The following HPSE2 variants were observed in gnomAD, a reference collection of about 807,000 sequenced individuals.
HPSE2 encodes heparanase 2 (inactive).
A neutral mutation model predicts 60.5 loss-of-function variants in HPSE2; 38 were observed. The observed-to-expected ratio is 0.63, with a 90% CI of 0.48 to 0.82. HPSE2 has a LOEUF of 0.82. Among genes scored for constraint, HPSE2 ranks in the 40% least tolerant of loss-of-function variants. The pLI is 0.00. For synonymous variants in HPSE2, 295 were observed against 293.2 expected, an observed-to-expected ratio of 1.01 and a Z score of -0.06; for missense variants, 713 against 740.4, an observed-to-expected ratio of 0.96 and a Z score of 0.43.
intron 9 of HPSE2, among the ~76,000 whole-genome samples, chr10:98,542,026 TCCCTG>T (rs1943485314): frequency 8.1e-6 from 1 of 122,788 alleles, no homozygotes; most frequent in Non-Finnish European, 1.9e-5. Context: ...CTCAAGTGGG[TCCCTG>T]ACCCCTGACC....
At chr10:98,757,988 T>C (rs1417992360) in intron 3 of HPSE2, among the ~76,000 whole-genome samples, 2 of 151,850 alleles carry the variant, frequency 1.3e-5, no homozygotes, top group Non-Finnish European at 2.9e-5. Context: ...GTACAAAAAC[T>C]GACAAATAGG....
chr10:98,702,611 G>C (rs2134196792), intron 5 of HPSE2, among the ~76,000 whole-genome samples: 1 of 152,256 alleles, frequency 6.6e-6, no homozygotes, highest in East Asian at 1.9e-4. Context: ...AATCAAATTA[G>C]AACTCAGGAT....
chr10:98,509,268 C>T (rs962497202), intron 9 of HPSE2, among the ~76,000 whole-genome samples: 4 of 151,770 alleles, frequency 2.6e-5, no homozygotes, highest in African/African-American at 9.7e-5. Flanking sequence ...GAGCCAAGAT[C>T]GCGCCACTGC....
chr10:99,105,319 C>T (rs1261447713), intron 3 of HPSE2, among the ~76,000 whole-genome samples: 2 of 152,108 alleles, frequency 1.3e-5, no homozygotes, highest in African/African-American at 4.8e-5. Flanking sequence ...TTAATTTCAA[C>T]TTTCCTGTTG....
intron 2 of HPSE2, among the ~76,000 whole-genome samples, chr10:99,193,532 A>G (rs1848292762): frequency 6.6e-6 from 1 of 152,094 alleles, no homozygotes; most frequent in South Asian, 2.1e-4. Context: ...TCGGCTGCCT[A>G]CAAAAAACAC....
intron 2 of HPSE2, among the ~76,000 whole-genome samples, chr10:99,226,382 T>G (rs1172633670): frequency 6.6e-6 from 1 of 152,074 alleles, no homozygotes; most frequent in Non-Finnish European, 1.5e-5. Context: ...ACTACACTAT[T>G]GGTTCATTGA....
At chr10:99,139,301 G>C (rs936705961) in intron 3 of HPSE2, among the ~76,000 whole-genome samples, 1 of 151,934 alleles carries the variant, frequency 6.6e-6, no homozygotes, top group Non-Finnish European at 1.5e-5. Flanking sequence ...GGGGGAGAAA[G>C]GAGAAAAACA....
chr10:98,538,967 A>T (rs748343426), intron 9 of HPSE2, among the ~76,000 whole-genome samples: 4 of 152,200 alleles, frequency 2.6e-5, no homozygotes, highest in Admixed American at 1.3e-4. Context: ...CATCTTGTCT[A>T]AATTGTCCAT....
chr10:99,116,665 G>A (rs1844703195), intron 3 of HPSE2, among the ~76,000 whole-genome samples: 1 of 152,178 alleles, frequency 6.6e-6, no homozygotes, highest in African/African-American at 2.4e-5. Context: ...GAACTTCTAA[G>A]AGAGAATGCA....
intron 4 of HPSE2, among the ~76,000 whole-genome samples, chr10:98,723,293 G>A (rs138977286): frequency 0.073 from 11,143 of 152,158 alleles, 571 homozygotes; most frequent in South Asian, 0.19. Flanking sequence ...TTGAACCAGC[G>A]TTGCATCCCA....
chr10:98,665,807 G>T (rs901823088), intron 6 of HPSE2, among the ~76,000 whole-genome samples: 17 of 152,126 alleles, frequency 1.1e-4, no homozygotes, highest in African/African-American at 3.9e-4. Context: ...GGAACAAAAG[G>T]TTGATACCTG....
At chr10:99,230,139 A>G (rs1377922760) in intron 2 of HPSE2, among the ~76,000 whole-genome samples, 2 of 152,254 alleles carry the variant, frequency 1.3e-5, no homozygotes, top group Non-Finnish European at 1.5e-5. Context: ...TAGGAGCAAT[A>G]AAACAGATTA....
At chr10:98,766,226 G>A (rs1031304475) in intron 3 of HPSE2, among the ~76,000 whole-genome samples, 3 of 152,018 alleles carry the variant, frequency 2.0e-5, no homozygotes, top group Non-Finnish European at 2.9e-5. Flanking sequence ...AAATTCATTC[G>A]AGAAAAAACA....
chr10:99,312,464 A>C, the HPSE2 span, among the ~76,000 whole-genome samples: 1 of 152,354 alleles, frequency 6.6e-6, no homozygotes, highest in African/African-American at 2.4e-5. Flanking sequence ...TGTGTTGTAT[A>C]AATAATATTC....
At chr10:99,174,957 T>C (rs1046623800) in intron 2 of HPSE2, among the ~76,000 whole-genome samples, 1 of 152,076 alleles carries the variant, frequency 6.6e-6, no homozygotes, top group Non-Finnish European at 1.5e-5. Flanking sequence ...GTGCAGCCCA[T>C]GGAAGGCGAG....
intron 3 of HPSE2, among the ~76,000 whole-genome samples, chr10:99,062,113 A>C (rs1371793054): frequency 6.6e-6 from 1 of 152,214 alleles, no homozygotes. Context: ...TATGAGTTAG[A>C]ATCCTAACCA....
chr10:99,079,763 A>C (rs1194841926), intron 3 of HPSE2, among the ~76,000 whole-genome samples: 1 of 151,870 alleles, frequency 6.6e-6, no homozygotes, highest in Non-Finnish European at 1.5e-5. Flanking sequence ...TCATCCATTC[A>C]CTTTGTGCTG....
the HPSE2 span, among the ~76,000 whole-genome samples, chr10:99,254,145 A>G: frequency 6.6e-6 from 1 of 152,242 alleles, no homozygotes; most frequent in African/African-American, 2.4e-5. Flanking sequence ...CACAACAGCA[A>G]ACACATGGAA....
chr10:98,474,108 T>A (rs984444399), intron 11 of HPSE2, among the ~76,000 whole-genome samples: 6 of 152,180 alleles, frequency 3.9e-5, no homozygotes, highest in African/African-American at 1.4e-4. Context: ...CCAAATAATA[T>A]CAGCAGTGTA....
Sources: allele counts gnomAD v4.1 joint callset (sites outside exome capture counted in the v4.1 genomes callset), GRCh38; gene constraint gnomAD v4.1.1; transcripts MANE v1.5; gene names NCBI Gene and HGNC (gene_info 2026-07-23, HGNC 2026-07-21).